Variants in CTNNA3 observed in about 807,000 individuals in gnomAD.
CTNNA3 encodes the protein catenin alpha-3.
In CTNNA3, 76 loss-of-function variants were observed where a neutral mutation model predicts 95.7. The ratio of observed to expected loss-of-function variants is 0.79; its 90% CI spans 0.66 to 0.96. The LOEUF is 0.96. CTNNA3 is among the 40% of genes least tolerant of loss of function. The pLI, the probability that CTNNA3 is intolerant of heterozygous loss-of-function variation, is 0.00. For missense variants in CTNNA3, 1,191 were observed against 1,089.8 expected (o/e 1.09, Z -1.31); for synonymous variants, 431 against 374.4 (o/e 1.15, Z -1.74).
At chr10:67,151,322 A>G (rs1426501152) in intron 7 of CTNNA3, among the ~76,000 whole-genome samples, 3 of 136,770 alleles carry the variant, frequency 2.2e-5, no homozygotes, top group Non-Finnish European at 4.6e-5. Flanking sequence ...AGCACTGTGC[A>G]AACTTACAGT....
At position 66,527,143 on chromosome 10, in the gene CTNNA3, A is replaced by T. The variant is rs561595451; in HGVS notation, c.1375-6370T>A. Among the ~76,000 whole-genome samples, 27 of 152,264 alleles carry T rather than the reference A, an allele frequency of 1.8e-4. 1 individual carries two copies. The South Asian group carries it at 5.6e-3, about 32-fold the overall frequency. ...GGGCAAACTTCATTCGTTGCCATGT[A>T]CTTGTTTTCCCAGCACCAATTGTTG... On this transcript the variant is annotated intron_variant, in intron 10 of 17. Transcript: ENST00000433211.
chr10:65,976,872 T>C (rs1035827577), intron 16 of CTNNA3, among the ~76,000 whole-genome samples: 1 of 152,192 alleles, frequency 6.6e-6, no homozygotes, highest in African/African-American at 2.4e-5. Context: ...TAGATATTAA[T>C]TCCTTATCAG....
chr10:66,573,945 G>T (rs959149811), intron 10 of CTNNA3, among the ~76,000 whole-genome samples: 2 of 151,984 alleles, frequency 1.3e-5, no homozygotes, highest in Admixed American at 6.6e-5. Context: ...TAGTAAAAAT[G>T]TTTAATGTAC....
At chr10:67,326,823 G>T (rs1304631921) in intron 5 of CTNNA3, among the ~76,000 whole-genome samples, 1 of 152,168 alleles carries the variant, frequency 6.6e-6, no homozygotes, top group African/African-American at 2.4e-5. Flanking sequence ...TATTTTCCAA[G>T]TTGGTTCCAT....
intron 3 of CTNNA3, among the ~76,000 whole-genome samples, chr10:67,590,429 C>A (rs921921024): frequency 6.6e-6 from 1 of 152,048 alleles, no homozygotes; most frequent in African/African-American, 2.4e-5. Context: ...AGAAACATAG[C>A]CATGCATATA....
At chr10:67,095,661 G>A (rs1857946637) in intron 7 of CTNNA3, among the ~76,000 whole-genome samples, 1 of 151,780 alleles carries the variant, frequency 6.6e-6, no homozygotes. Flanking sequence ...TTAATTCTAA[G>A]TAAGCCAGAA....
At chr10:67,657,847 CAAAAAAAAAAAA>C (rs200763142) in intron 1 of CTNNA3, among the ~76,000 whole-genome samples, 2 of 40,420 alleles carry the variant, frequency 4.9e-5, no homozygotes, top group Non-Finnish European at 1.2e-4. Context: ...AATTCCATCT[CAAAAAAAAAAAA>C]AAAAAAAAAA....
intron 9 of CTNNA3, among the ~76,000 whole-genome samples, chr10:66,747,461 A>G (rs1838931904): frequency 6.6e-6 from 1 of 152,208 alleles, no homozygotes; most frequent in Non-Finnish European, 1.5e-5. Context: ...CTCTCACTGC[A>G]TCACTACAAT....
At chr10:66,443,252 G>T (rs2093389344) in intron 11 of CTNNA3, among the ~76,000 whole-genome samples, 1 of 151,950 alleles carries the variant, frequency 6.6e-6, no homozygotes, top group African/African-American at 2.4e-5. Context: ...CAAACAAAAA[G>T]ACAGCAGTAA....
intron 2 of CTNNA3, among the ~76,000 whole-genome samples, chr10:67,631,348 A>C (rs6480281): frequency 0.26 from 38,824 of 152,062 alleles, 8,390 homozygotes; most frequent in African/African-American, 0.57. Flanking sequence ...GTAGGGAAGA[A>C]TTTGGTAACC....
intron 7 of CTNNA3, among the ~76,000 whole-genome samples, chr10:66,929,559 G>A (rs925730829): frequency 1.4e-4 from 22 of 152,136 alleles, no homozygotes; most frequent in African/African-American, 4.8e-4. Context: ...TCCACCCACA[G>A]CCTCATTGAA....
At chr10:67,088,321 C>T (rs1022228971) in intron 7 of CTNNA3, among the ~76,000 whole-genome samples, 1 of 151,788 alleles carries the variant, frequency 6.6e-6, no homozygotes, top group Non-Finnish European at 1.5e-5. Context: ...ATGAATATTT[C>T]TCTTTGGTTT....
chr10:66,841,159 A>C (rs1306255263), intron 7 of CTNNA3, among the ~76,000 whole-genome samples: 1 of 152,194 alleles, frequency 6.6e-6, no homozygotes, highest in African/African-American at 2.4e-5. Context: ...CCACATAATG[A>C]AAAAGGTTGA....
intron 10 of CTNNA3, among the ~76,000 whole-genome samples, chr10:66,544,513 A>G (rs1201179352): frequency 6.6e-6 from 1 of 152,134 alleles, no homozygotes; most frequent in Non-Finnish European, 1.5e-5. Flanking sequence ...ATGTGGACTG[A>G]GATTGCTTTA....
intron 5 of CTNNA3, among the ~76,000 whole-genome samples, chr10:67,251,410 T>C (rs1158487667): frequency 6.6e-6 from 1 of 152,196 alleles, no homozygotes; most frequent in Admixed American, 6.5e-5. Context: ...ATATTGATTG[T>C]CATACATCTC....
chr10:66,327,488 C>T (rs1239363993), intron 12 of CTNNA3, among the ~76,000 whole-genome samples: 1 of 151,800 alleles, frequency 6.6e-6, no homozygotes, highest in Admixed American at 6.6e-5. Context: ...GTGTTAAGGA[C>T]CTAAAGAATT....
At chr10:67,103,502 T>C (rs1812099317) in intron 7 of CTNNA3, among the ~76,000 whole-genome samples, 1 of 151,746 alleles carries the variant, frequency 6.6e-6, no homozygotes, top group African/African-American at 2.4e-5. Context: ...TAAATTATGA[T>C]GTAGCAGGCA....
intron 13 of CTNNA3, among the ~76,000 whole-genome samples, chr10:66,160,812 A>C (rs1196302988): frequency 6.6e-6 from 1 of 152,128 alleles, no homozygotes; most frequent in Non-Finnish European, 1.5e-5. Context: ...TGTTCTGTCT[A>C]TCTCATTTCT....
intron 13 of CTNNA3, among the ~76,000 whole-genome samples, chr10:66,239,014 G>A (rs1452770762): frequency 6.6e-6 from 1 of 151,602 alleles, no homozygotes; most frequent in Non-Finnish European, 1.5e-5. Flanking sequence ...AATGACAAAT[G>A]AAATACAGGG....
Sources: gnomAD v4.1 joint callset for allele counts (sites outside exome capture counted in the v4.1 genomes callset) on GRCh38, gnomAD v4.1.1 for gene constraint, MANE v1.5 for transcripts, NCBI Gene and HGNC (gene_info 2026-07-23, HGNC 2026-07-21) for gene names.